TLN2: variants seen among roughly 807,000 people sequenced by gnomAD.
TLN2 encodes talin 2.
A neutral mutation model predicts 294.7 loss-of-function variants in TLN2; 118 were observed. The ratio of observed to expected loss-of-function variants is 0.40; its 90% CI spans 0.34 to 0.47. The LOEUF (loss-of-function observed/expected upper bound fraction) is 0.47, where lower values mean the gene tolerates loss of function less well. Among genes scored for constraint, TLN2 ranks in the 20% least tolerant of loss-of-function variants. The pLI is 0.84. For missense variants in TLN2, 3,083 were observed against 3,282.2 expected, an observed-to-expected ratio of 0.94 and a Z score of 1.48; for synonymous variants, 1,431 against 1,304.5, an observed-to-expected ratio of 1.10 and a Z score of -2.09.
At chr15:62,836,604 C>G (rs193056311) in intron 57 of TLN2, among the ~76,000 whole-genome samples, 127 of 152,314 alleles carry the variant, frequency 8.3e-4, no homozygotes, top group African/African-American at 3.0e-3. Context: ...GACTGAAATT[C>G]TATGAGACTG....
chr15:62,481,708 T>C lies in TLN2; in HGVS notation c.-238+91023T>C, dbSNP rs534213712. On this transcript the variant is annotated intron_variant, in intron 1 of 58. Coordinates refer to ENST00000636159, the MANE Select transcript of TLN2 (RefSeq NM_015059.3). ...TGAAAATAATATTGTTTTTATATAA[T>C]GCATTTAAAAAACTAATATGGATGT... Among the ~76,000 whole-genome samples the C allele has an allele frequency of 4.6e-5, 7 of 152,096 alleles. No individual in the cohort carries two copies. In the East Asian group the frequency reaches 1.3e-3, roughly 29 times the overall value.
chr15:62,511,954 A>C (rs1300034119), intron 1 of TLN2, among the ~76,000 whole-genome samples: 1 of 152,092 alleles, frequency 6.6e-6, no homozygotes, highest in Non-Finnish European at 1.5e-5. Flanking sequence ...CCTGTGCCTG[A>C]AATGCTCCCT....
At chr15:62,733,024 G>A (rs2060815051) in intron 28 of TLN2, among the ~76,000 whole-genome samples, 1 of 152,142 alleles carries the variant, frequency 6.6e-6, no homozygotes, top group Admixed American at 6.5e-5. Context: ...GAAAATTATT[G>A]GTAAAATGAT....
intron 9 of TLN2, among the ~76,000 whole-genome samples, chr15:62,663,977 CT>C (rs2140977875): frequency 6.6e-6 from 1 of 151,968 alleles, no homozygotes; most frequent in Admixed American, 6.5e-5. Flanking sequence ...ATGGTAAAGA[CT>C]AATTGAAGAT....
At position 62,771,103 on chromosome 15, in the gene TLN2, A is replaced by G. The variant is rs766763432; in HGVS notation, c.5336A>G (p.Tyr1779Cys). The change falls in exon 42 of 59, where the codon TAT becomes TGT. Residue 1779 changes from tyrosine to cysteine, a missense_variant. Physicochemically the swap from Tyr to Cys is radical, Grantham distance 194. Coordinates refer to ENST00000636159, the MANE Select transcript of TLN2 (RefSeq NM_015059.3). ...TLAESALQML[Y>C]AAKEGGGNPK... ...GCAGAGTCTGCCTTGCAGATGTTGT[A>G]TGCAGCCAAAGAAGGTGGCGGAAAC... is the stretch of plus-strand genomic sequence containing the variant. The G allele has an allele frequency of 1.9e-6, 3 of 1,612,164 alleles. No homozygotes were observed. The highest frequency in any genetic ancestry group is 8.5e-7 in the Non-Finnish European group (1 of 1,178,800).
chr15:62,459,602 C>T (rs754662132), intron 1 of TLN2, among the ~76,000 whole-genome samples: 2 of 152,150 alleles, frequency 1.3e-5, no homozygotes, highest in African/African-American at 2.4e-5. Flanking sequence ...GTCTGAACTT[C>T]TATTTTTCAG....
rs2062202879 is a variant in TLN2 at position 62,755,667 on chromosome 15, A to G, written c.4612A>G (p.Thr1538Ala). 1.6e-5 allele frequency: 26 copies of G among 1,614,272 alleles called. No individual in the cohort carries two copies. The highest frequency in any genetic ancestry group is 2.2e-5 in the Non-Finnish European group (26 of 1,180,044). ...GTCAGCCAAGGAAGTCGCCAACAGC[A>G]CTGCCAACCTGGTGAAGACCATCAA... is the stretch of plus-strand genomic sequence containing the variant. ...VQSAKEVANSTANLVKTIKAL... is the reference protein window; with the variant it reads ...VQSAKEVANSAANLVKTIKAL... The change falls in exon 37 of 59, where the codon ACT becomes GCT. Residue 1538 changes from threonine to alanine, a missense_variant. By Grantham distance (58) the Thr-to-Ala change is moderately conservative (BLOSUM62 0). Transcript: ENST00000636159.
rs958448607 is a variant in TLN2, at chr15:62,694,245, G to A, written c.1216-71G>A. The A allele has an allele frequency of 9.8e-5, 139 of 1,420,714 alleles. No individual in the cohort carries two copies. In the African/African-American group the frequency reaches 1.8e-3, roughly 18 times the overall value. The allele number at this position is 1,420,714 out of a possible 1,614,324, so 88.0% of individuals were successfully genotyped here. A position where few individuals can be genotyped will look rare whatever the true frequency, so the allele number is the denominator to read the frequency against. ...GCCCGTCTCAGCCTCCCAAAGTGCT[G>A]GGATTAGAGGCGTGAGCCACCGCGC... On this transcript the variant is annotated intron_variant, in intron 13 of 58. Transcript: ENST00000636159.
chr15:62,536,953 C>G (rs1194604919), intron 1 of TLN2, among the ~76,000 whole-genome samples: 1 of 151,840 alleles, frequency 6.6e-6, no homozygotes, highest in East Asian at 1.9e-4. Flanking sequence ...TGAGAATGTA[C>G]AATAAGTTCT....
intron 32 of TLN2, among the ~76,000 whole-genome samples, chr15:62,743,445 T>C (rs1290734109): frequency 2.0e-5 from 3 of 152,190 alleles, no homozygotes; most frequent in Non-Finnish European, 4.4e-5. Context: ...TCCTCTGTTC[T>C]TAATTCTGCT....
intron 1 of TLN2, among the ~76,000 whole-genome samples, chr15:62,401,119 T>G (rs2032990544): frequency 6.6e-6 from 1 of 152,120 alleles, no homozygotes; most frequent in Non-Finnish European, 1.5e-5. Flanking sequence ...GACACATAAG[T>G]GTTTGGCTGT....
At chr15:62,494,110 T>C (rs2038895914) in intron 1 of TLN2, among the ~76,000 whole-genome samples, 1 of 152,092 alleles carries the variant, frequency 6.6e-6, no homozygotes. Flanking sequence ...TCATGTGAAT[T>C]TTTATCTTCA....
intron 13 of TLN2, among the ~76,000 whole-genome samples, chr15:62,693,869 T>G (rs1595686262): frequency 6.6e-6 from 1 of 151,992 alleles, no homozygotes; most frequent in Admixed American, 6.5e-5. Context: ...GTATAAAGAA[T>G]TTTGAGTAAA....
intron 54 of TLN2, chr15:62,828,076 AG>A (rs2068394144): frequency 6.6e-6 from 1 of 152,434 alleles, no homozygotes; most frequent in South Asian, 2.1e-4. Context: ...AGCAACATAA[AG>A]GGGTCCCAAA....
intron 2 of TLN2, among the ~76,000 whole-genome samples, chr15:62,608,349 T>C (rs1476545366): frequency 6.6e-6 from 1 of 152,152 alleles, no homozygotes; most frequent in Non-Finnish European, 1.5e-5. Flanking sequence ...GCATCCATTA[T>C]AGGATTTAAG....
intron 1 of TLN2, among the ~76,000 whole-genome samples, chr15:62,578,711 G>A (rs1432573290): frequency 6.6e-6 from 1 of 152,144 alleles, no homozygotes; most frequent in East Asian, 1.9e-4. Context: ...GTGGGGAGGG[G>A]GGTAAAGTCC....
chr15:62,814,698 A>G (rs914710634), intron 52 of TLN2, among the ~76,000 whole-genome samples: 3 of 152,248 alleles, frequency 2.0e-5, no homozygotes, highest in Admixed American at 6.5e-5. Flanking sequence ...TATCATAAAC[A>G]TATAAAAAAT....
At chr15:62,620,837 CTTTTTT>C (rs71129016) in intron 3 of TLN2, among the ~76,000 whole-genome samples, 1 of 66,418 alleles carries the variant, frequency 1.5e-5, no homozygotes, top group East Asian at 4.5e-4. Context: ...CTTTCTTTTT[CTTTTTT>C]TTTTTTTTTT....
intron 1 of TLN2, among the ~76,000 whole-genome samples, chr15:62,488,928 C>T (rs931484733): frequency 6.6e-6 from 1 of 152,098 alleles, no homozygotes; most frequent in Non-Finnish European, 1.5e-5. Flanking sequence ...TTTGGGAGGC[C>T]GAGGTGGGTG....
Sources: allele counts gnomAD v4.1 joint callset (sites outside exome capture counted in the v4.1 genomes callset), GRCh38; gene constraint gnomAD v4.1.1; transcripts MANE v1.5; gene names NCBI Gene and HGNC (gene_info 2026-07-23, HGNC 2026-07-21).